Variants in ERCC1 observed in about 807,000 individuals in gnomAD.
ERCC1 encodes the protein DNA excision repair protein ERCC-1.
A neutral mutation model predicts 37.6 loss-of-function variants in ERCC1; 36 were observed. The ratio of observed to expected loss-of-function variants is 0.96; its 90% CI spans 0.73 to 1.26. The LOEUF is 1.26. Among genes scored for constraint, ERCC1 ranks in the 50% most tolerant of loss-of-function variants. The probability of loss-of-function intolerance (pLI) is 0.00; values close to 1 mark genes in which losing one functional copy is unlikely to be tolerated. For missense variants in ERCC1, 349 were observed against 376.5 expected (o/e 0.93, Z 0.60); for synonymous variants, 156 against 162.1 (o/e 0.96, Z 0.28).
At chr19:45,448,530 A>G (rs1418718069) in intron 1 of ERCC1, among the ~76,000 whole-genome samples, 2 of 152,074 alleles carry the variant, frequency 1.3e-5, no homozygotes, top group Non-Finnish European at 2.9e-5. Context: ...AGAGACAGAG[A>G]GATCAGAGAT....
intron 9 of ERCC1, chr19:45,413,444 G>A (rs1973859001): frequency 7.4e-6 from 6 of 808,710 alleles, no homozygotes; most frequent in Middle Eastern, 3.5e-4. Context: ...TGCCCAGCTA[G>A]TTTTTTTTAT....
rs190053803 is a variant in ERCC1, at chr19:45,409,938, T to C, written c.844-213A>G. The stretch of plus-strand genomic sequence containing the variant: ...ATGGAGTCTCGCTCTGTCGCCCAGG[T>C]TGGAGTGCAGTGGCGCAATCTCGGC... On this transcript the variant is annotated intron_variant, in intron 9 of 9. Coordinates refer to ENST00000300853, the MANE Select transcript of ERCC1 (RefSeq NM_001983.4). The C allele has an allele frequency of 1.9e-3, 377 of 199,420 alleles. 1 individual carries two copies. The highest frequency in any genetic ancestry group is 8.5e-3 in the African/African-American group (354 of 41,716). The allele number at this position is 199,420 out of a possible 1,614,324, so 12.4% of individuals were successfully genotyped here. A position where few individuals can be genotyped will look rare whatever the true frequency, so the allele number is the denominator to read the frequency against.
At chr19:45,417,870 T>G (rs535675362) in intron 5 of ERCC1, among the ~76,000 whole-genome samples, 1 of 151,958 alleles carries the variant, frequency 6.6e-6, no homozygotes, top group Non-Finnish European at 1.5e-5. Context: ...TTTTGTATTT[T>G]GTAGAGATGG....
chr19:45,436,183 T>G (rs1020311949), intron 1 of ERCC1, among the ~76,000 whole-genome samples: 1 of 152,242 alleles, frequency 6.6e-6, no homozygotes, highest in South Asian at 2.1e-4. Flanking sequence ...GAGCCTCAGT[T>G]TCCTTCCCTA....
At chr19:45,434,179 GGAA>G (rs1402106101) in intron 1 of ERCC1, among the ~76,000 whole-genome samples, 51 of 141,980 alleles carry the variant, frequency 3.6e-4, no homozygotes, top group African/African-American at 1.1e-3. Context: ...AAAAAAAAGA[GGAA>G]GAAGAAGAAG....
Position 45,409,684 on chromosome 19 carries a change from T to G in ERCC1, c.885A>C (p.Lys295Asn). The G allele has an allele frequency of 9.1e-7, 1 of 1,096,938 alleles. No homozygotes were observed. Among genetic ancestry groups the G allele is most frequent in the Non-Finnish European group, 1.4e-6 (1 of 708,060 alleles). 68.0% of individuals were successfully genotyped at this position (1,096,938 alleles called of 1,614,324 possible). A position where few individuals can be genotyped will look rare whatever the true frequency, so the allele number is the denominator to read the frequency against. Residue 295 changes from lysine to asparagine, a missense_variant, in exon 10 of 10, where the codon AAA (lysine) becomes AAC (asparagine). Lys to Asn is a moderately conservative substitution (Grantham distance 94). Transcript: ENST00000300853. ...TTGGCAGCTGGGGTCATCAGGGTAC[T>G]TTCAAGAAGGGCTCGTGCAGGACAT... ...LFDVLHEPFL[K>N]VP is the part of the protein sequence containing the mutation.
intron 9 of ERCC1, among the ~76,000 whole-genome samples, chr19:45,411,114 G>T (rs1042633116): frequency 1.3e-5 from 2 of 152,110 alleles, no homozygotes; most frequent in African/African-American, 4.8e-5. Context: ...GTGAGCCACC[G>T]CGCCCAGCCA....
At chr19:45,413,415 T>C (rs540551407) in intron 9 of ERCC1, 4 of 662,158 alleles carry the variant, frequency 6.0e-6, no homozygotes, top group South Asian at 5.5e-5. Flanking sequence ...TACAGGCACG[T>C]AGCAAGCTCA....
At chr19:45,433,753 C>A (rs1376621471) in intron 1 of ERCC1, among the ~76,000 whole-genome samples, 1 of 150,788 alleles carries the variant, frequency 6.6e-6, no homozygotes, top group Non-Finnish European at 1.5e-5. Flanking sequence ...TCATGAAGGA[C>A]AAGAATGTGG....
chr19:45,421,331 G>C lies in ERCC1; in HGVS notation c.168C>G (p.Ala56=). Residue 56 remains alanine (A), a synonymous_variant, in exon 3 of 10, where the codon GCC becomes GCG. Transcript: ENST00000300853. ...LPTVDTSAQA[A]PQTYAEYAIS... ...TGGCATATTCGGCGTAGGTCTGAGG[G>C]GCCGCCTGGGCCGAGGTGTCCACAG... The C allele has an allele frequency of 6.2e-7, 1 of 1,614,048 alleles. No individual in the cohort carries two copies.
At chr19:45,445,037 A>G (rs1966899460) in intron 1 of ERCC1, among the ~76,000 whole-genome samples, 1 of 152,146 alleles carries the variant, frequency 6.6e-6, no homozygotes, top group South Asian at 2.1e-4. Context: ...TTGTTGTCTG[A>G]GAGGAGTTTC....
intron 1 of ERCC1, among the ~76,000 whole-genome samples, chr19:45,434,952 T>C (rs1974937125): frequency 7.0e-6 from 1 of 143,058 alleles, no homozygotes; most frequent in South Asian, 2.2e-4. Flanking sequence ...ATTTTTTGTA[T>C]TTTTTTTTTT....
At chr19:45,430,276 T>C (rs1974801347) in intron 1 of ERCC1, among the ~76,000 whole-genome samples, 2 of 152,164 alleles carry the variant, frequency 1.3e-5, no homozygotes, top group African/African-American at 2.4e-5. Context: ...TAATAGCAAA[T>C]GTTGATTGCA....
intron 1 of ERCC1, 139 bp downstream of exon 1, chr19:45,423,642 T>G: frequency 3.2e-6 from 4 of 1,265,806 alleles, no homozygotes; most frequent in Non-Finnish European, 2.0e-6. Flanking sequence ...GTCCCCACCA[T>G]CCCCCGCCTT....
In ERCC1 at chr19:45,407,400, G is replaced by A. The variant is rs1968344749; in HGVS notation, c.*2275C>T. 2 of 621,156 alleles carry A rather than the reference G, an allele frequency of 3.2e-6. No individual in the cohort carries two copies. The highest frequency in any genetic ancestry group is 5.4e-6 in the Non-Finnish European group (2 of 370,414). 38.5% of individuals were successfully genotyped at this position (621,156 alleles called of 1,614,324 possible). A position where few individuals can be genotyped will look rare whatever the true frequency, so the allele number is the denominator to read the frequency against. On this transcript the variant is annotated 3_prime_UTR_variant, in exon 10 of 10. Coordinates refer to ENST00000300853, the MANE Select transcript of ERCC1 (RefSeq NM_001983.4). ...AGAGTAGAGTGTCCTCAGAAAGCAG[G>A]GGGAGAAACCCACAGCCCTTTGTTA...
rs2123437388 is a variant in ERCC1, at chr19:45,409,549, C to T, written c.*126G>A. 6.4e-7 allele frequency: 1 copy of T among 1,574,680 alleles called. No individual in the cohort carries two copies. The highest frequency in any genetic ancestry group is 8.6e-7 in the Non-Finnish European group (1 of 1,160,564). ...ACTAAAGAAAGCTGAAGGTGCCCAC[C>T]TGGGCCACCAGAAGGTGACACCCCC... On this transcript the variant is annotated 3_prime_UTR_variant, in exon 10 of 10. Transcript: ENST00000300853.
intron 1 of ERCC1, among the ~76,000 whole-genome samples, chr19:45,432,555 T>A (rs901948250): frequency 1.3e-5 from 2 of 152,164 alleles, no homozygotes; most frequent in African/African-American, 4.8e-5. Flanking sequence ...ATACATTTTT[T>A]AAATTTTAGA....
At position 45,423,411 on chromosome 19, in the gene ERCC1, G is replaced by C. The variant is rs371563563; in HGVS notation, c.-7-30C>G. The C allele has an allele frequency of 4.4e-6, 7 of 1,585,614 alleles. No individual in the cohort carries two copies. In the African/African-American group the frequency reaches 6.7e-5, roughly 15 times the overall value. On this transcript the variant is annotated intron_variant, in intron 1 of 9. Coordinates refer to ENST00000300853, the MANE Select transcript of ERCC1 (RefSeq NM_001983.4). ...AAGGGAAGGTGCCAGGAGCGAGTGAGCCACTGGCGTCTACGTTCTCATCCC... is the reference window on the plus strand; with the variant it reads ...AAGGGAAGGTGCCAGGAGCGAGTGACCCACTGGCGTCTACGTTCTCATCCC...
intron 1 of ERCC1, among the ~76,000 whole-genome samples, chr19:45,443,702 A>G (rs1290594752): frequency 1.3e-5 from 2 of 152,132 alleles, no homozygotes; most frequent in African/African-American, 2.4e-5. Flanking sequence ...GCCGGGGACA[A>G]TGGGCAAGGA....
Sources: gnomAD v4.1 joint callset for allele counts (sites outside exome capture counted in the v4.1 genomes callset) on GRCh38, gnomAD v4.1.1 for gene constraint, MANE v1.5 for transcripts, NCBI Gene and HGNC (gene_info 2026-07-23, HGNC 2026-07-21) for gene names.